The following MAGI2 variants were observed in gnomAD, a reference collection of about 807,000 sequenced individuals.
MAGI2 encodes membrane associated guanylate kinase, WW and PDZ domain containing 2, also known as membrane-associated guanylate kinase, WW and PDZ domain-containing protein 2.
MAGI2 carries 35 observed loss-of-function variants against 133.3 expected under a neutral mutation model. The ratio of observed to expected loss-of-function variants is 0.26; its 90% CI spans 0.20 to 0.35. The LOEUF is 0.35. MAGI2 is among the 10% of genes least tolerant of loss of function. The pLI, the probability that MAGI2 is intolerant of heterozygous loss-of-function variation, is 1.00. For missense variants in MAGI2, 1,636 were observed against 1,863.4 expected (o/e 0.88, Z 2.25); for synonymous variants, 729 against 710.6 (o/e 1.03, Z -0.41).
chr7:79,438,425 G>C (rs986564387), intron 1 of MAGI2, among the ~76,000 whole-genome samples: 3 of 152,014 alleles, frequency 2.0e-5, no homozygotes, highest in African/African-American at 7.3e-5. Context: ...CTTATGAATA[G>C]TTATGTGCAT....
At chr7:78,723,268 T>C (rs1820435462) in intron 2 of MAGI2, among the ~76,000 whole-genome samples, 2 of 152,232 alleles carry the variant, frequency 1.3e-5, no homozygotes, top group African/African-American at 4.8e-5. Flanking sequence ...CTATTGCTCA[T>C]TGGATGCTGG....
At chr7:79,145,517 TG>T (rs1325339798) in intron 1 of MAGI2, among the ~76,000 whole-genome samples, 1 of 151,484 alleles carries the variant, frequency 6.6e-6, no homozygotes, top group Non-Finnish European at 1.5e-5. Flanking sequence ...AAAGAGCAAA[TG>T]AATTAGGGAG....
At chr7:78,711,946 A>G (rs1031139490) in intron 2 of MAGI2, among the ~76,000 whole-genome samples, 8 of 152,178 alleles carry the variant, frequency 5.3e-5, no homozygotes, top group African/African-American at 1.7e-4. Flanking sequence ...CCAACAACTT[A>G]AAGAGTCCTA....
At chr7:78,748,036 G>A (rs1823090565) in intron 2 of MAGI2, among the ~76,000 whole-genome samples, 1 of 152,008 alleles carries the variant, frequency 6.6e-6, no homozygotes, top group Non-Finnish European at 1.5e-5. Flanking sequence ...TTCTATCAGA[G>A]TTATAATTTC....
chr7:78,836,828 C>T (rs1043631296), intron 2 of MAGI2, among the ~76,000 whole-genome samples: 3 of 152,142 alleles, frequency 2.0e-5, no homozygotes, highest in African/African-American at 7.2e-5. Context: ...TATGCCGATG[C>T]CCATAAACTC....
chr7:79,173,425 A>G (rs898785192), intron 1 of MAGI2, among the ~76,000 whole-genome samples: 2 of 152,066 alleles, frequency 1.3e-5, no homozygotes, highest in Admixed American at 1.3e-4. Context: ...TCCTGGGCTC[A>G]AGTGATCCTT....
chr7:78,679,561 T>C (rs879796708), intron 2 of MAGI2, among the ~76,000 whole-genome samples: 1 of 152,154 alleles, frequency 6.6e-6, no homozygotes, highest in Non-Finnish European at 1.5e-5. Context: ...TATGTACTGT[T>C]CATAGAATTT....
intron 6 of MAGI2, among the ~76,000 whole-genome samples, chr7:78,408,229 C>T (rs776808741): frequency 7.9e-5 from 12 of 151,952 alleles, no homozygotes; most frequent in Non-Finnish European, 1.5e-4. Flanking sequence ...GTGGCTAAAT[C>T]GAGGTGGAAT....
At chr7:78,020,532 TG>T (rs1009600559) in intron 21 of MAGI2, among the ~76,000 whole-genome samples, 15 of 152,014 alleles carry the variant, frequency 9.9e-5, no homozygotes, top group African/African-American at 3.6e-4. Flanking sequence ...AGAATTGTCT[TG>T]GGCTACACAT....
chr7:78,044,202 C>T (rs967229292), intron 21 of MAGI2, among the ~76,000 whole-genome samples: 4 of 152,164 alleles, frequency 2.6e-5, no homozygotes, highest in Admixed American at 6.5e-5. Context: ...ACCGAGAGTT[C>T]CTATAGCATT....
Position 79,432,616 on chromosome 7 carries a change from G to A in MAGI2, c.301+20404C>T, listed in dbSNP as rs76245383. ...TGCTTTTCAGAAAAAACAAGTACAAGTTCTCTTGAAGGGATGCTGCCCAGG... is the reference window on the plus strand; with the variant it reads ...TGCTTTTCAGAAAAAACAAGTACAAATTCTCTTGAAGGGATGCTGCCCAGG... On this transcript the variant is annotated intron_variant, in intron 1 of 21. Coordinates refer to ENST00000354212, the MANE Select transcript of MAGI2 (RefSeq NM_012301.4). Among the ~76,000 whole-genome samples the A allele has an allele frequency of 2.7e-4, 41 of 152,330 alleles. No homozygotes were observed. In the East Asian group the frequency reaches 6.2e-3, roughly 23 times the overall value.
chr7:78,145,929 C>T (rs1823270050), intron 16 of MAGI2, among the ~76,000 whole-genome samples: 2 of 152,108 alleles, frequency 1.3e-5, no homozygotes, highest in South Asian at 4.1e-4. Context: ...TCTCCAAGCA[C>T]CATCACATTG....
chr7:78,590,012 G>T (rs918226493), intron 3 of MAGI2, among the ~76,000 whole-genome samples: 4 of 152,208 alleles, frequency 2.6e-5, no homozygotes, highest in Admixed American at 2.6e-4. Context: ...TGTAAATTGA[G>T]ATCAGGAATA....
chr7:78,840,021 A>G (rs1791988356), intron 2 of MAGI2, among the ~76,000 whole-genome samples: 1 of 152,020 alleles, frequency 6.6e-6, no homozygotes, highest in Non-Finnish European at 1.5e-5. Context: ...TTTATTTCCA[A>G]AATAAACTGA....
intron 2 of MAGI2, among the ~76,000 whole-genome samples, chr7:78,629,991 TTTTA>T (rs1419949585): frequency 6.6e-6 from 1 of 151,892 alleles, no homozygotes; most frequent in Non-Finnish European, 1.5e-5. Flanking sequence ...TAAATAAATA[TTTTA>T]TTTGTCAAAG....
chr7:78,895,321 C>A (rs1467669653), intron 2 of MAGI2, among the ~76,000 whole-genome samples: 2 of 152,134 alleles, frequency 1.3e-5, no homozygotes, highest in Non-Finnish European at 2.9e-5. Flanking sequence ...GCCTCCAGAA[C>A]TGTTAGAAAC....
chr7:78,367,653 G>C (rs1793517111), intron 7 of MAGI2, among the ~76,000 whole-genome samples: 1 of 152,092 alleles, frequency 6.6e-6, no homozygotes, highest in Non-Finnish European at 1.5e-5. Context: ...GATTCTGTGA[G>C]GAAATATACT....
At chr7:78,223,633 T>C (rs948693293) in intron 10 of MAGI2, among the ~76,000 whole-genome samples, 2 of 152,246 alleles carry the variant, frequency 1.3e-5, no homozygotes, top group African/African-American at 4.8e-5. Flanking sequence ...TTAAAAATGT[T>C]GATAAGGACT....
intron 2 of MAGI2, among the ~76,000 whole-genome samples, chr7:78,712,264 AT>A (rs1819269058): frequency 1.3e-5 from 2 of 152,192 alleles, no homozygotes; most frequent in Non-Finnish European, 2.9e-5. Context: ...AGATGACTAG[AT>A]AAAGTTTGTT....
Sources: allele counts gnomAD v4.1 joint callset (sites outside exome capture counted in the v4.1 genomes callset), GRCh38; gene constraint gnomAD v4.1.1; transcripts MANE v1.5; gene names NCBI Gene and HGNC (gene_info 2026-07-23, HGNC 2026-07-21).